Variants in ADAMTSL1 observed in about 807,000 individuals in gnomAD.
ADAMTSL1 encodes the protein ADAMTS like 1, also known as ADAMTS-like protein 1.
In ADAMTSL1, 126 loss-of-function variants were observed where a neutral mutation model predicts 201.8. That is an observed-to-expected ratio of 0.62 (90% CI 0.54 to 0.72). The LOEUF (loss-of-function observed/expected upper bound fraction) is 0.72, where lower values mean the gene tolerates loss of function less well. Ranked by LOEUF, ADAMTSL1 falls within the 30% of genes least tolerant of loss-of-function variation. The probability of loss-of-function intolerance (pLI) is 0.00; values close to 1 mark genes in which losing one functional copy is unlikely to be tolerated. For missense variants in ADAMTSL1, 2,679 were observed against 2,277.8 expected (o/e 1.18, Z -3.59); for synonymous variants, 1,121 against 903.4 (o/e 1.24, Z -4.32).
intron 2 of ADAMTSL1, among the ~76,000 whole-genome samples, chr9:18,318,020 T>G (rs59109291): frequency 2.0e-5 from 3 of 152,072 alleles, no homozygotes; most frequent in Non-Finnish European, 2.9e-5. Flanking sequence ...TGGATATAAT[T>G]TTAATCTTGC....
chr9:17,976,698 C>G (rs569926714), intron 1 of ADAMTSL1, among the ~76,000 whole-genome samples: 5 of 151,362 alleles, frequency 3.3e-5, no homozygotes, highest in Non-Finnish European at 5.9e-5. Context: ...CTCTTGCTCT[C>G]GCTCTCTCTC....
intron 2 of ADAMTSL1, among the ~76,000 whole-genome samples, chr9:18,255,051 ATGTT>A (rs780463524): frequency 6.6e-6 from 1 of 152,184 alleles, no homozygotes; most frequent in Non-Finnish European, 1.5e-5. Context: ...TTTTCATTAA[ATGTT>A]TGAGTGAAAG....
intron 2 of ADAMTSL1, among the ~76,000 whole-genome samples, chr9:18,261,487 A>G (rs2809854): frequency 0.35 from 53,572 of 152,050 alleles, 10,473 homozygotes; most frequent in Admixed American, 0.51. Flanking sequence ...TGTGAATTCT[A>G]AGCCTCAGAC....
At chr9:18,888,187 G>A in intron 24 of ADAMTSL1, 144 bp downstream of exon 24, 1 of 834,732 alleles carries the variant, frequency 1.2e-6, no homozygotes, top group Non-Finnish European at 1.8e-6. Context: ...TTTCCATACA[G>A]TGAGACCCTA....
intron 9 of ADAMTSL1, among the ~76,000 whole-genome samples, chr9:18,665,531 A>G (rs1829377035): frequency 6.6e-6 from 1 of 152,148 alleles, no homozygotes; most frequent in Non-Finnish European, 1.5e-5. Flanking sequence ...TCCTAAATAC[A>G]TGAACAACTT....
At chr9:18,067,254 C>G (rs1822746921) in intron 1 of ADAMTSL1, among the ~76,000 whole-genome samples, 2 of 152,124 alleles carry the variant, frequency 1.3e-5, no homozygotes, top group South Asian at 4.1e-4. Flanking sequence ...TGCTAACTTT[C>G]TCGTTGTTAA....
intron 1 of ADAMTSL1, among the ~76,000 whole-genome samples, chr9:18,060,497 C>T (rs745774179): frequency 6.6e-6 from 1 of 152,166 alleles, no homozygotes. Context: ...CAGCTTCTGA[C>T]ATGTTGGGCA....
At chr9:18,319,738 A>G (rs768256124) in intron 2 of ADAMTSL1, among the ~76,000 whole-genome samples, 1 of 152,164 alleles carries the variant, frequency 6.6e-6, no homozygotes, top group Non-Finnish European at 1.5e-5. Context: ...TCTCACCAGA[A>G]TAGAGTCTAT....
intron 23 of ADAMTSL1, among the ~76,000 whole-genome samples, chr9:18,842,075 G>C (rs1185415272): frequency 2.0e-5 from 3 of 151,252 alleles, no homozygotes; most frequent in Non-Finnish European, 4.4e-5. Context: ...CTTGCCTTCT[G>C]CTAGCTTTTG....
chr9:18,726,685 T>C (rs929665412), intron 15 of ADAMTSL1, among the ~76,000 whole-genome samples: 6 of 152,096 alleles, frequency 3.9e-5, no homozygotes, highest in African/African-American at 1.4e-4. Flanking sequence ...GGTAAACGTA[T>C]GTGGAGGAGG....
intron 1 of ADAMTSL1, among the ~76,000 whole-genome samples, chr9:17,921,711 G>A (rs1318767871): frequency 1.3e-5 from 2 of 152,108 alleles, no homozygotes; most frequent in Non-Finnish European, 2.9e-5. Context: ...GTGTTCTAGA[G>A]GCCCAGGGTC....
chr9:18,393,002 A>T (rs772639600), intron 2 of ADAMTSL1, among the ~76,000 whole-genome samples: 11 of 152,202 alleles, frequency 7.2e-5, no homozygotes, highest in Non-Finnish European at 1.6e-4. Flanking sequence ...TACCTGTCAT[A>T]TTCCAGGAAT....
At chr9:18,049,004 G>A (rs1041784529) in intron 1 of ADAMTSL1, among the ~76,000 whole-genome samples, 8 of 152,018 alleles carry the variant, frequency 5.3e-5, no homozygotes, top group African/African-American at 4.8e-5. Context: ...CCCTACTTCC[G>A]GCAGTTGCTG....
chr9:18,713,599 C>G (rs894055696), intron 14 of ADAMTSL1, among the ~76,000 whole-genome samples: 1 of 150,582 alleles, frequency 6.6e-6, no homozygotes, highest in African/African-American at 2.4e-5. Flanking sequence ...ATTCATAAAG[C>G]AAGTCCTGAG....
At chr9:18,727,426 GCTGTT>G (rs975096883) in intron 15 of ADAMTSL1, among the ~76,000 whole-genome samples, 2 of 152,232 alleles carry the variant, frequency 1.3e-5, no homozygotes, top group African/African-American at 4.8e-5. Context: ...AAGAGTTAAT[GCTGTT>G]ACTACTGTCA....
intron 10 of ADAMTSL1, among the ~76,000 whole-genome samples, chr9:18,679,768 C>T (rs1034410032): frequency 6.6e-6 from 1 of 152,060 alleles, no homozygotes; most frequent in Non-Finnish European, 1.5e-5. Flanking sequence ...AGTCCCAAAG[C>T]TGATGATTGC....
intron 2 of ADAMTSL1, among the ~76,000 whole-genome samples, chr9:18,335,919 C>T (rs150276506): frequency 2.0e-5 from 3 of 152,002 alleles, no homozygotes; most frequent in Admixed American, 6.6e-5. Context: ...TGGATTCCTG[C>T]CCTTAATATC....
At chr9:18,099,326 A>AATATATATATATATATATAT (rs71333027) in intron 1 of ADAMTSL1, among the ~76,000 whole-genome samples, 17 of 57,578 alleles carry the variant, frequency 3.0e-4, no homozygotes, top group African/African-American at 4.8e-4. Context: ...GCAAATGGAA[A>AATATATATATATATATATAT]ATATATATAT....
At chr9:18,142,039 A>T (rs1274612815) in intron 1 of ADAMTSL1, among the ~76,000 whole-genome samples, 2 of 152,174 alleles carry the variant, frequency 1.3e-5, no homozygotes, top group Admixed American at 6.5e-5. Context: ...AGTAAGTGAG[A>T]GTTCTTGTCC....
Sources: allele counts gnomAD v4.1 joint callset (sites outside exome capture counted in the v4.1 genomes callset), GRCh38; gene constraint gnomAD v4.1.1; transcripts MANE v1.5; gene names NCBI Gene and HGNC (gene_info 2026-07-23, HGNC 2026-07-21).